CSMD3: variants seen among roughly 807,000 people sequenced by gnomAD.
CSMD3 encodes CUB and Sushi multiple domains 3.
CSMD3 carries 177 observed loss-of-function variants against 435.2 expected under a neutral mutation model. That is an observed-to-expected ratio of 0.41 (90% CI 0.36 to 0.46). CSMD3 has a LOEUF of 0.46. Among genes scored for constraint, CSMD3 ranks in the 20% least tolerant of loss-of-function variants. The probability of loss-of-function intolerance (pLI) is 0.34; values close to 1 mark genes in which losing one functional copy is unlikely to be tolerated. For synonymous variants in CSMD3, 1,656 were observed against 1,520.5 expected (o/e 1.09, Z -2.07); for missense variants, 4,265 against 4,504.6 (o/e 0.95, Z 1.52).
At chr8:112,856,679 T>G (rs2129811624) in intron 11 of CSMD3, among the ~76,000 whole-genome samples, 1 of 151,950 alleles carries the variant, frequency 6.6e-6, no homozygotes, top group South Asian at 2.1e-4. Context: ...TTTCATCAAG[T>G]TTTAAATCTC....
intron 22 of CSMD3, among the ~76,000 whole-genome samples, chr8:112,629,989 T>A (rs2074469707): frequency 6.6e-6 from 1 of 152,248 alleles, no homozygotes; most frequent in African/African-American, 2.4e-5. Context: ...GAACTGTGGA[T>A]GGAATTGAGC....
intron 11 of CSMD3, among the ~76,000 whole-genome samples, chr8:112,848,089 G>A (rs901330601): frequency 1.3e-5 from 2 of 152,146 alleles, no homozygotes; most frequent in African/African-American, 4.8e-5. Flanking sequence ...TTTGGGGCAA[G>A]TGTCCATAAA....
At chr8:112,351,978 A>G (rs1352771458) in intron 39 of CSMD3, among the ~76,000 whole-genome samples, 2 of 152,092 alleles carry the variant, frequency 1.3e-5, no homozygotes, top group East Asian at 1.9e-4. Flanking sequence ...ATATACTTGT[A>G]GTAAATTTTC....
chr8:112,304,740 A>C lies in CSMD3; in HGVS notation c.8247T>G (p.Asn2749Lys), dbSNP rs774021816. ...ACTTACTTTGGCAATATGGTCTTTC[A>C]TTTCTCCAACTCCAAGTACCATTAG... ...CLPNGTWSWR[N>K]ERPYCQIISC... The change falls in exon 52 of 71, where the codon AAT (asparagine) becomes AAG (lysine). Residue 2749 changes from asparagine to lysine, a missense_variant. Physicochemically the swap from Asn to Lys is moderately conservative, Grantham distance 94. This residue lies in a region of CSMD3 where 3,255 missense variants were observed against 3,380.2 expected (regional missense o/e 0.96). Coordinates refer to ENST00000297405, the MANE Select transcript of CSMD3 (RefSeq NM_198123.2). The C allele has an allele frequency of 7.4e-6, 12 of 1,613,428 alleles. No homozygotes were observed. Among genetic ancestry groups the C allele is most frequent in the African/African-American group, 1.3e-5 (1 of 74,904 alleles).
chr8:112,728,650 C>T (rs1313374073), intron 13 of CSMD3, among the ~76,000 whole-genome samples: 1 of 151,936 alleles, frequency 6.6e-6, no homozygotes, highest in Non-Finnish European at 1.5e-5. Context: ...TGATACAAGC[C>T]CCCATTCTTT....
At chr8:112,564,823 G>A (rs1273377222) in intron 24 of CSMD3, among the ~76,000 whole-genome samples, 1 of 152,062 alleles carries the variant, frequency 6.6e-6, no homozygotes, top group Non-Finnish European at 1.5e-5. Context: ...GATTATTGAT[G>A]AATTTTTGCT....
At chr8:112,658,784 C>A (rs112886256) in intron 17 of CSMD3, among the ~76,000 whole-genome samples, 201 of 152,090 alleles carry the variant, frequency 1.3e-3, no homozygotes, top group African/African-American at 4.6e-3. Context: ...ATGGCAAAAC[C>A]CTGTCTCTAC....
At chr8:113,110,195 G>T (rs769212830) in intron 4 of CSMD3, among the ~76,000 whole-genome samples, 72 of 152,192 alleles carry the variant, frequency 4.7e-4, no homozygotes, top group Middle Eastern at 6.8e-3. Context: ...CACCCTTCCT[G>T]TTCTCTCCTG....
At position 112,901,872 on chromosome 8, in the gene CSMD3, G is replaced by A. The variant is rs117830822; in HGVS notation, c.1633+19755C>T. On this transcript the variant is annotated intron_variant, in intron 10 of 70. Transcript: ENST00000297405. ...TTCTCAAATCAAATTGATGGGGTTC[G>A]GGTAAAGTTCAAAATGGGGAAGAGG... 3.3e-3 allele frequency among the ~76,000 whole-genome samples: 496 copies of A among 151,390 alleles called. 13 individuals carry two copies. In the East Asian group the frequency reaches 0.055, roughly 17 times the overall value.
At chr8:112,526,855 G>A (rs903113391) in intron 27 of CSMD3, among the ~76,000 whole-genome samples, 2 of 151,718 alleles carry the variant, frequency 1.3e-5, no homozygotes, top group African/African-American at 4.8e-5. Context: ...CTATTAGAGG[G>A]TTCTTACATT....
chr8:113,321,789 A>T (rs190668046), intron 1 of CSMD3, among the ~76,000 whole-genome samples: 36 of 152,290 alleles, frequency 2.4e-4, no homozygotes, highest in African/African-American at 7.0e-4. Context: ...TTTTTGGATA[A>T]CAGATTTTTG....
intron 22 of CSMD3, among the ~76,000 whole-genome samples, chr8:112,594,286 ACT>A (rs1161263787): frequency 6.6e-6 from 1 of 152,160 alleles, no homozygotes; most frequent in East Asian, 1.9e-4. Context: ...GGTCACTCCC[ACT>A]CGAATATTGC....
At chr8:112,768,998 T>G (rs1587235014) in intron 13 of CSMD3, among the ~76,000 whole-genome samples, 1 of 152,132 alleles carries the variant, frequency 6.6e-6, no homozygotes, top group East Asian at 1.9e-4. Context: ...ATATGCTTGC[T>G]TATTTGGATA....
intron 1 of CSMD3, among the ~76,000 whole-genome samples, chr8:113,359,460 C>G (rs1053168530): frequency 3.3e-5 from 5 of 152,096 alleles, no homozygotes; most frequent in Non-Finnish European, 7.4e-5. Flanking sequence ...GGAAACAGAG[C>G]GGGGGCAAAT....
At chr8:113,349,166 G>A (rs1036130730) in intron 1 of CSMD3, among the ~76,000 whole-genome samples, 7 of 151,988 alleles carry the variant, frequency 4.6e-5, no homozygotes, top group Admixed American at 3.9e-4. Flanking sequence ...CCAAATCAAT[G>A]AGTCTTCATT....
chr8:113,223,748 G>T (rs921022289), intron 3 of CSMD3, among the ~76,000 whole-genome samples: 1 of 122,524 alleles, frequency 8.2e-6, no homozygotes, highest in South Asian at 2.5e-4. Flanking sequence ...AGCTGTGTGT[G>T]TTTATGTGTG....
chr8:112,878,729 T>C (rs1195917571), intron 10 of CSMD3, among the ~76,000 whole-genome samples: 1 of 152,150 alleles, frequency 6.6e-6, no homozygotes, highest in East Asian at 1.9e-4. Context: ...TGGAATACTA[T>C]GCAGCCAGAA....
chr8:112,729,474 A>G (rs1181887977), intron 13 of CSMD3, among the ~76,000 whole-genome samples: 3 of 152,128 alleles, frequency 2.0e-5, no homozygotes, highest in Admixed American at 1.3e-4. Flanking sequence ...ATAGCGTTAA[A>G]AAGTGAAACA....
chr8:113,103,273 C>G (rs1484575883), intron 4 of CSMD3, among the ~76,000 whole-genome samples: 1 of 152,076 alleles, frequency 6.6e-6, no homozygotes, highest in Non-Finnish European at 1.5e-5. Context: ...GCTTAACATA[C>G]AGATAATACA....
Sources: allele counts gnomAD v4.1 joint callset (sites outside exome capture counted in the v4.1 genomes callset), GRCh38; gene constraint gnomAD v4.1.1; regional missense constraint gnomAD v4.1.1; transcripts MANE v1.5; gene names NCBI Gene and HGNC (gene_info 2026-07-23, HGNC 2026-07-21).